Variants in FBXO28 observed in about 807,000 individuals in gnomAD.
FBXO28 encodes the protein F-box only protein 28.
FBXO28 carries 8 observed loss-of-function variants against 38.1 expected under a neutral mutation model. That is an observed-to-expected ratio of 0.21 (90% confidence interval 0.12 to 0.38). The LOEUF is 0.38. FBXO28 is among the 10% of genes least tolerant of loss of function. FBXO28 has a pLI of 1.00. For synonymous variants in FBXO28, 168 were observed against 173.8 expected (o/e 0.97, Z 0.26); for missense variants, 345 against 460.6 (o/e 0.75, Z 2.30).
At chr1:224,115,363 T>C (rs1322993260) in intron 1 of FBXO28, among the ~76,000 whole-genome samples, 2 of 152,198 alleles carry the variant, frequency 1.3e-5, no homozygotes, top group Non-Finnish European at 1.5e-5. Context: ...ATGGAGAAGC[T>C]AAATCTGTGC....
chr1:224,149,707 A>T (rs1558196337), intron 3 of FBXO28, among the ~76,000 whole-genome samples: 1 of 152,236 alleles, frequency 6.6e-6, no homozygotes, highest in Non-Finnish European at 1.5e-5. Flanking sequence ...ATTATATGGA[A>T]GATAGAAATT....
At position 224,130,529 on chromosome 1, in the gene FBXO28, G is replaced by A; in HGVS notation, c.325G>A (p.Val109Met). ...QRMLNQGFLKVERYHNLCQKQ... is the reference protein window; with the variant it reads ...QRMLNQGFLKMERYHNLCQKQ... Reference sequence around the variant, plus strand: ...AATGTTGAATCAGGGATTTCTGAAAGTGGAGAGGTACCATAATCTATGTCA... The same window carrying A: ...AATGTTGAATCAGGGATTTCTGAAAATGGAGAGGTACCATAATCTATGTCA... Residue 109 changes from valine (V) to methionine (M), a missense_variant, in exon 2 of 5, where the codon GTG becomes ATG. By Grantham distance (21) the Val-to-Met change is conservative. This residue lies in a region of FBXO28 where 56 missense variants were observed against 99.8 expected (regional missense o/e 0.56). Transcript: ENST00000366862. The A allele has an allele frequency of 6.2e-7, 1 of 1,614,082 alleles. No individual in the cohort carries two copies. The highest frequency in any genetic ancestry group is 8.5e-7 in the Non-Finnish European group (1 of 1,179,958).
At chr1:224,122,084 T>G (rs1385670013) in intron 1 of FBXO28, among the ~76,000 whole-genome samples, 1 of 152,190 alleles carries the variant, frequency 6.6e-6, no homozygotes, top group Non-Finnish European at 1.5e-5. Flanking sequence ...AAATAGAATT[T>G]TTTTTAAAGA....
chr1:224,141,218 A>C (rs1173169338), intron 3 of FBXO28, among the ~76,000 whole-genome samples: 2 of 151,700 alleles, frequency 1.3e-5, no homozygotes, highest in African/African-American at 4.8e-5. Flanking sequence ...CACGCCTGTA[A>C]TCCCAGCACT....
intron 3 of FBXO28, among the ~76,000 whole-genome samples, chr1:224,147,177 C>A (rs1447726307): frequency 6.6e-6 from 1 of 151,562 alleles, no homozygotes; most frequent in East Asian, 2.0e-4. Context: ...ATAATCCCAG[C>A]ACTTTGGCAG....
At chr1:224,157,196 A>C (rs1442936895) in intron 4 of FBXO28, among the ~76,000 whole-genome samples, 156 bp from the exon 5 acceptor site, 3 of 152,166 alleles carry the variant, frequency 2.0e-5, no homozygotes, top group Non-Finnish European at 4.4e-5. Context: ...TAAGGTGTTA[A>C]ATTATGATGA....
intron 3 of FBXO28, among the ~76,000 whole-genome samples, chr1:224,136,452 G>A (rs573179494): frequency 2.6e-5 from 4 of 151,638 alleles, no homozygotes; most frequent in East Asian, 2.0e-4. Flanking sequence ...GGCCGGGCGC[G>A]GTAGCTCACA....
At chr1:224,141,700 A>G (rs1572018794) in intron 3 of FBXO28, among the ~76,000 whole-genome samples, 1 of 152,152 alleles carries the variant, frequency 6.6e-6, no homozygotes, top group African/African-American at 2.4e-5. Context: ...TAACACAATC[A>G]TATTTGTATA....
chr1:224,149,272 AT>A (rs1657583678), intron 3 of FBXO28, among the ~76,000 whole-genome samples: 1 of 92,520 alleles, frequency 1.1e-5, no homozygotes, highest in Non-Finnish European at 2.0e-5. Flanking sequence ...AAACCATATA[AT>A]CTTTTTTTTT....
intron 3 of FBXO28, among the ~76,000 whole-genome samples, chr1:224,140,080 G>A (rs999431542): frequency 3.3e-5 from 5 of 152,298 alleles, no homozygotes; most frequent in African/African-American, 1.2e-4. Flanking sequence ...GACAGAGCAA[G>A]ATCTTGTCTC....
intron 3 of FBXO28, among the ~76,000 whole-genome samples, chr1:224,136,101 G>GTTTTTTTT (rs397982996): frequency 0.18 from 13,675 of 75,084 alleles, 4,478 homozygotes; most frequent in African/African-American, 0.25. Context: ...GTTGACTTCA[G>GTTTTTTTT]TTTTTTTTTT....
rs570480167 is a variant in FBXO28 at position 224,161,522 on chromosome 1, A to G, written c.*3776A>G. 6.6e-6 allele frequency: 1 copy of G among 152,374 alleles called. No individual in the cohort carries two copies. The highest frequency in any genetic ancestry group is 6.5e-5 in the Admixed American group (1 of 15,304). 9.4% of individuals were successfully genotyped at this position (152,374 alleles called of 1,614,324 possible). A position where few individuals can be genotyped will look rare whatever the true frequency, so the allele number is the denominator to read the frequency against. On this transcript the variant is annotated 3_prime_UTR_variant, in exon 5 of 5. Transcript: ENST00000366862. ...TGCTTTCACTAGTACACAAAAGGTTAAGTTAAAACTACTTTAAACTTGTAT... is the reference window on the plus strand; with the variant it reads ...TGCTTTCACTAGTACACAAAAGGTTGAGTTAAAACTACTTTAAACTTGTAT...
Position 224,161,251 on chromosome 1 carries a change from T to C in FBXO28, c.*3505T>C, listed in dbSNP as rs185608966. ...CCAACATTATATAATTTTAATTTAA[T>C]GTAATGTAAATCTCATACTTGGTGA... On this transcript the variant is annotated 3_prime_UTR_variant, in exon 5 of 5. Coordinates refer to ENST00000366862, the MANE Select transcript of FBXO28 (RefSeq NM_015176.4). The C allele has an allele frequency of 7.1e-6, 1 of 141,002 alleles. No homozygotes were observed. The highest frequency in any genetic ancestry group is 2.7e-5 in the African/African-American group (1 of 37,634). The allele number at this position is 141,002 out of a possible 1,614,324, so 8.7% of individuals were successfully genotyped here. A position where few individuals can be genotyped will look rare whatever the true frequency, so the allele number is the denominator to read the frequency against.
At chr1:224,131,786 T>C (rs1657054502) in intron 2 of FBXO28, among the ~76,000 whole-genome samples, 1 of 152,092 alleles carries the variant, frequency 6.6e-6, no homozygotes, top group African/African-American at 2.4e-5. Flanking sequence ...AAAGCACAAG[T>C]AGCAAAAGAA....
At chr1:224,127,772 T>G (rs1413888814) in intron 1 of FBXO28, among the ~76,000 whole-genome samples, 1 of 152,116 alleles carries the variant, frequency 6.6e-6, no homozygotes, top group African/African-American at 2.4e-5. Context: ...CTGGGCGTGG[T>G]GGCACGCAAC....
At chr1:224,125,609 T>C (rs1159683879) in intron 1 of FBXO28, among the ~76,000 whole-genome samples, 1 of 151,758 alleles carries the variant, frequency 6.6e-6, no homozygotes, top group Admixed American at 6.6e-5. Flanking sequence ...TTTTGTTTAT[T>C]AAGTCCAACT....
chr1:224,127,121 GGT>G (rs1190639615), intron 1 of FBXO28, among the ~76,000 whole-genome samples: 7 of 151,680 alleles, frequency 4.6e-5, no homozygotes, highest in African/African-American at 1.5e-4. Context: ...ACCCCAGAGA[GGT>G]TTCCAGGATC....
At chr1:224,136,494 T>C (rs1657190358) in intron 3 of FBXO28, among the ~76,000 whole-genome samples, 1 of 151,304 alleles carries the variant, frequency 6.6e-6, no homozygotes, top group Admixed American at 6.6e-5. Context: ...GAGGCCAAGG[T>C]GGGCGGATCA....
rs1553288944 is a variant in FBXO28, at chr1:224,128,230, T to TA, written c.268-2242_268-2241insA. ...CAGATCCTAACTGTCCATGTCTTTT[T>TA]TTATTATTATTATTATTTTTTTTTA... is the stretch of plus-strand genomic sequence containing the variant. On this transcript the variant is annotated intron_variant, in intron 1 of 4. Transcript: ENST00000366862. Among the ~76,000 whole-genome samples, 145 of 147,812 alleles carry TA rather than the reference T, an allele frequency of 9.8e-4. 3 individuals carry two copies. The South Asian group carries it at 0.019, about 19-fold the overall frequency.
Sources: allele counts gnomAD v4.1 joint callset (sites outside exome capture counted in the v4.1 genomes callset), GRCh38; gene constraint gnomAD v4.1.1; regional missense constraint gnomAD v4.1.1; transcripts MANE v1.5; gene names NCBI Gene and HGNC (gene_info 2026-07-23, HGNC 2026-07-21).